The following FNDC3A variants were observed in gnomAD, a reference collection of about 807,000 sequenced individuals.
FNDC3A encodes the protein fibronectin type-III domain-containing protein 3A.
Under a neutral mutation model 148.9 loss-of-function variants are expected in FNDC3A, and 32 were observed. The ratio of observed to expected loss-of-function variants is 0.21; its 90% CI spans 0.16 to 0.29. The LOEUF is 0.29. FNDC3A is among the 10% of genes least tolerant of loss of function. The pLI is 1.00. For missense variants in FNDC3A, 1,191 were observed against 1,452.8 expected, an observed-to-expected ratio of 0.82 and a Z score of 2.93; for synonymous variants, 472 against 473.6, an observed-to-expected ratio of 1.00 and a Z score of 0.04.
chr13:49,043,741 AC>A (rs1315842643), intron 2 of FNDC3A, among the ~76,000 whole-genome samples: 1 of 151,850 alleles, frequency 6.6e-6, no homozygotes, highest in South Asian at 2.1e-4. Flanking sequence ...TATATTTACA[AC>A]CCCCCATAAA....
chr13:49,161,825 G>T (rs1304234846), intron 8 of FNDC3A, among the ~76,000 whole-genome samples: 1 of 152,114 alleles, frequency 6.6e-6, no homozygotes. Flanking sequence ...CTCAGGATTT[G>T]CTTGTAAATT....
At chr13:49,010,639 A>G (rs182536455) in intron 2 of FNDC3A, among the ~76,000 whole-genome samples, 2 of 152,374 alleles carry the variant, frequency 1.3e-5, no homozygotes, top group Admixed American at 1.3e-4. Context: ...TAAAATAAGC[A>G]TGAAATATAG....
chr13:49,182,419 T>G (rs1885351837), intron 14 of FNDC3A, among the ~76,000 whole-genome samples: 1 of 152,234 alleles, frequency 6.6e-6, no homozygotes, highest in Admixed American at 6.5e-5. Context: ...TGTCTAAATT[T>G]TTTTTTAAAC....
At chr13:49,144,376 G>GT (rs1282701748) in intron 7 of FNDC3A, among the ~76,000 whole-genome samples, 3 of 151,838 alleles carry the variant, frequency 2.0e-5, no homozygotes, top group South Asian at 2.1e-4. Flanking sequence ...TATAGTAATA[G>GT]TTTTTTTTAT....
At chr13:49,101,863 T>A (rs971843357) in intron 3 of FNDC3A, among the ~76,000 whole-genome samples, 1 of 151,470 alleles carries the variant, frequency 6.6e-6, no homozygotes, top group Non-Finnish European at 1.5e-5. Context: ...GGGCAATACT[T>A]AAACTGCAGA....
chr13:48,993,264 G>A (rs1224383146), intron 1 of FNDC3A, among the ~76,000 whole-genome samples: 2 of 152,138 alleles, frequency 1.3e-5, no homozygotes, highest in Non-Finnish European at 2.9e-5. Context: ...AGAGTTGTAT[G>A]GCCCAGAGAC....
intron 1 of FNDC3A, among the ~76,000 whole-genome samples, chr13:48,978,127 CTCTA>C (rs1162251288): frequency 3.3e-5 from 5 of 151,962 alleles, no homozygotes; most frequent in African/African-American, 7.3e-5. Context: ...TCTTCACTTC[CTCTA>C]TCTGTGTGAG....
intron 19 of FNDC3A, among the ~76,000 whole-genome samples, chr13:49,193,653 T>TA (rs1886004511): frequency 6.6e-6 from 1 of 152,156 alleles, no homozygotes; most frequent in African/African-American, 2.4e-5. Flanking sequence ...GGCATGGTGG[T>TA]AAATGCATGT....
intron 2 of FNDC3A, among the ~76,000 whole-genome samples, chr13:49,065,681 GATAAAC>G (rs1877216434): frequency 6.6e-6 from 1 of 152,270 alleles, no homozygotes; most frequent in South Asian, 2.1e-4. Context: ...CTTCTGGAAA[GATAAAC>G]ATAATGGTTT....
At chr13:49,174,339 A>T in intron 11 of FNDC3A, 96 bp from the exon 12 acceptor site, 1 of 954,992 alleles carries the variant, frequency 1.0e-6, no homozygotes, top group Non-Finnish European at 1.6e-6. Context: ...CTTTTAGTAT[A>T]CACTTGCTAA....
chr13:49,008,892 A>G (rs552823412), intron 2 of FNDC3A, among the ~76,000 whole-genome samples: 26 of 151,722 alleles, frequency 1.7e-4, no homozygotes, highest in Non-Finnish European at 5.9e-5. Flanking sequence ...TTGAGCAGAC[A>G]GTACAAAGTT....
chr13:49,178,445 G>A, intron 13 of FNDC3A, 123 bp from the exon 14 acceptor site: 1 of 636,834 alleles, frequency 1.6e-6, no homozygotes, highest in Non-Finnish European at 2.7e-6. Flanking sequence ...CCACTCAACA[G>A]AGCATTAGTC....
chr13:49,012,805 ATG>A lies in FNDC3A; in HGVS notation c.99+6550_99+6551del, dbSNP rs61137549. Among the ~76,000 whole-genome samples the A allele has an allele frequency of 2.7e-3, 367 of 134,604 alleles. 4 individuals are homozygous for A. The highest frequency in any genetic ancestry group is 8.4e-3 in the African/African-American group (293 of 35,064). The allele number at this position is 134,604 out of a possible 152,430, so 88.3% of individuals were successfully genotyped here. A position where few individuals can be genotyped will look rare whatever the true frequency, so the allele number is the denominator to read the frequency against. On this transcript the variant is annotated intron_variant, in intron 2 of 25. Coordinates refer to ENST00000492622, the MANE Select transcript of FNDC3A (RefSeq NM_001079673.2). ...CTTGGGTTTTTATATGCAATTATAA[ATG>A]TGTGTGTGTGTGTGTGTGTGTGTGT...
intron 8 of FNDC3A, among the ~76,000 whole-genome samples, chr13:49,163,380 G>A (rs1484252789): frequency 1.3e-5 from 2 of 152,174 alleles, no homozygotes; most frequent in Non-Finnish European, 2.9e-5. Flanking sequence ...CTGGCAGTTC[G>A]ATCTCAGACT....
chr13:49,043,223 C>T (rs1593509176), intron 2 of FNDC3A, among the ~76,000 whole-genome samples: 1 of 151,992 alleles, frequency 6.6e-6, no homozygotes, highest in Admixed American at 6.5e-5. Context: ...ATCTTGGCTC[C>T]CAAAGTGTTG....
intron 1 of FNDC3A, among the ~76,000 whole-genome samples, chr13:48,978,541 T>C (rs1951642430): frequency 6.6e-6 from 1 of 152,142 alleles, no homozygotes; most frequent in Non-Finnish European, 1.5e-5. Flanking sequence ...TGTTGGTGCA[T>C]TTTTGAATGA....
rs753906487 is a variant in FNDC3A, at chr13:49,205,777, A to G, written c.3283-1304A>G. 6.0e-4 allele frequency among the ~76,000 whole-genome samples: 91 copies of G among 152,264 alleles called. 1 individual carries two copies. The highest frequency in any genetic ancestry group is 2.1e-3 in the Admixed American group (32 of 15,284). On this transcript the variant is annotated intron_variant, in intron 25 of 25. Coordinates refer to ENST00000492622, the MANE Select transcript of FNDC3A (RefSeq NM_001079673.2). ...ATTTATCTTAAAGCTTCTTTCAGTA[A>G]GTTCCTTTATATATTGTTATCAGCA...
chr13:49,114,997 A>G (rs571232468), intron 4 of FNDC3A, among the ~76,000 whole-genome samples: 2 of 152,258 alleles, frequency 1.3e-5, no homozygotes, highest in Admixed American at 6.5e-5. Context: ...TAAATATATG[A>G]CTAAATAAAA....
intron 2 of FNDC3A, among the ~76,000 whole-genome samples, chr13:49,020,670 G>A (rs1162609117): frequency 1.3e-5 from 2 of 152,176 alleles, no homozygotes; most frequent in African/African-American, 2.4e-5. Flanking sequence ...TCAGTGTTGG[G>A]GGGTTATAAT....
Sources: allele counts gnomAD v4.1 joint callset (sites outside exome capture counted in the v4.1 genomes callset), GRCh38; gene constraint gnomAD v4.1.1; transcripts MANE v1.5; gene names NCBI Gene and HGNC (gene_info 2026-07-23, HGNC 2026-07-21).